The following APBB1 variants were observed in gnomAD, a reference collection of about 807,000 sequenced individuals.
APBB1 encodes the protein amyloid beta precursor protein binding family B member 1, also known as adaptor protein FE65a2.
APBB1 carries 22 observed loss-of-function variants against 78.4 expected under a neutral mutation model. The ratio of observed to expected loss-of-function variants is 0.28; its 90% CI spans 0.20 to 0.40. APBB1 has a LOEUF of 0.40. Among genes scored for constraint, APBB1 ranks in the 10% least tolerant of loss-of-function variants. APBB1 has a pLI of 1.00. For synonymous variants in APBB1, 369 were observed against 372.7 expected (o/e 0.99, Z 0.12); for missense variants, 749 against 932.4 (o/e 0.80, Z 2.56).
At chr11:6,409,170 G>A (rs941346613) in intron 2 of APBB1, among the ~76,000 whole-genome samples, 7 of 151,974 alleles carry the variant, frequency 4.6e-5, no homozygotes, top group Admixed American at 2.6e-4. Flanking sequence ...TCTTGGGTTC[G>A]GATGATCCTC....
upstream of APBB1, chr11:6,419,231 C>G (rs2134119811): frequency 3.4e-6 from 1 of 297,276 alleles, no homozygotes; most frequent in Non-Finnish European, 6.2e-6. Flanking sequence ...GCGGGCGGCC[C>G]TCGGACCTCG....
intron 2 of APBB1, chr11:6,405,748 T>C: frequency 1.1e-6 from 1 of 895,124 alleles, no homozygotes; most frequent in Non-Finnish European, 1.3e-6. Flanking sequence ...CACCCCCACT[T>C]CCCCCTAACT....
At chr11:6,402,331 C>A (rs1475088653) in intron 7 of APBB1, 122 bp from the exon 8 acceptor site, 1 of 1,428,784 alleles carries the variant, frequency 7.0e-7, no homozygotes, top group East Asian at 2.4e-5. Context: ...GTCAGACCGC[C>A]CGCCCTGCAG....
At chr11:6,397,895 A>G (rs1848315178) in intron 12 of APBB1, among the ~76,000 whole-genome samples, 4 of 152,248 alleles carry the variant, frequency 2.6e-5, no homozygotes, top group Admixed American at 2.6e-4. Flanking sequence ...GTGTCACAGA[A>G]GTGGATGGGC....
At position 6,411,300 on chromosome 11, in the gene APBB1, G is replaced by A. The variant is rs559159673; in HGVS notation, c.48C>T (p.Ser16=). The change falls in exon 2 of 15, where the codon AGC becomes AGT. Residue 16 remains serine (S), a synonymous_variant. Transcript: ENST00000609360. The surrounding 1 kb of genome is among the most constrained non-coding windows in gnomAD (Gnocchi z 5.2). ...SLSQSAINAN[S]HGGPALSLPL... ...GTAGGCTCAGTGCGGGGCCTCCGTG[G>A]CTGTTGGCATTAATGGCCGACTGGC... 1.3e-6 allele frequency: 2 copies of A among 1,562,714 alleles called. No homozygotes were observed. Among genetic ancestry groups the A allele is most frequent in the Admixed American group, 1.9e-5 (1 of 52,252 alleles).
At chr11:6,402,446 G>A in intron 7 of APBB1, 130 bp downstream of exon 7, 1 of 1,190,460 alleles carries the variant, frequency 8.4e-7, no homozygotes, top group South Asian at 1.4e-5. Flanking sequence ...CCATCCCACA[G>A]GGCTGCCACT....
chr11:6,407,014 A>T (rs1356079177), intron 2 of APBB1, among the ~76,000 whole-genome samples: 1 of 152,228 alleles, frequency 6.6e-6, no homozygotes, highest in Non-Finnish European at 1.5e-5. Flanking sequence ...AAGTTTATTC[A>T]TTCATCATTC....
intron 1 of APBB1, among the ~76,000 whole-genome samples, chr11:6,415,950 T>A (rs937826708): frequency 2.6e-5 from 4 of 152,110 alleles, no homozygotes; most frequent in Non-Finnish European, 4.4e-5. Context: ...ACAGGCAAAC[T>A]TCCTGAGAGA....
At chr11:6,414,102 C>A (rs954993722) in intron 1 of APBB1, among the ~76,000 whole-genome samples, 1 of 151,938 alleles carries the variant, frequency 6.6e-6, no homozygotes, top group Non-Finnish European at 1.5e-5. Flanking sequence ...CCTCTTAAGC[C>A]GGCCTCTATA....
chr11:6,409,546 A>C (rs1848906407), intron 2 of APBB1, among the ~76,000 whole-genome samples: 1 of 152,172 alleles, frequency 6.6e-6, no homozygotes, highest in Non-Finnish European at 1.5e-5. Context: ...ATGTTTGAAA[A>C]TGTCCAGAAT....
intron 2 of APBB1, among the ~76,000 whole-genome samples, chr11:6,406,098 G>A (rs1008554890): frequency 1.3e-5 from 2 of 152,160 alleles, no homozygotes; most frequent in African/African-American, 2.4e-5. Context: ...GGCCATCTGG[G>A]AGGCCCTTCT....
At chr11:6,419,224 G>A (rs1374847660), upstream of APBB1, 1 of 299,212 alleles carries the variant, frequency 3.3e-6, no homozygotes, top group African/African-American at 2.2e-5. Flanking sequence ...TCACCCTGCG[G>A]GCGGCCCTCG....
chr11:6,415,910 A>G (rs1849105991), intron 1 of APBB1, among the ~76,000 whole-genome samples: 1 of 152,042 alleles, frequency 6.6e-6, no homozygotes, highest in African/African-American at 2.4e-5. Flanking sequence ...GCTCCTCCAG[A>G]TCCACTCACT....
At chr11:6,399,023 C>T (rs541984244) in intron 12 of APBB1, among the ~76,000 whole-genome samples, 2 of 152,076 alleles carry the variant, frequency 1.3e-5, no homozygotes, top group African/African-American at 4.8e-5. Flanking sequence ...GATACCCTAC[C>T]ACTTCTTTTT....
chr11:6,416,864 C>A (rs547350607), intron 1 of APBB1, among the ~76,000 whole-genome samples: 1 of 152,076 alleles, frequency 6.6e-6, no homozygotes, highest in Non-Finnish European at 1.5e-5. Flanking sequence ...GCCTCAGCCT[C>A]CTGAGTAGCT....
chr11:6,403,196 C>T lies in APBB1; in HGVS notation c.1053G>A (p.Leu351=). The change falls in exon 6 of 15, where the codon TTG becomes TTA. Residue 351 remains leucine (L), a synonymous_variant. Transcript: ENST00000609360. The surrounding 1 kb of genome is among the most constrained non-coding windows in gnomAD (Gnocchi z 5.3). The stretch of plus-strand genomic sequence containing the variant: ...GGGGAAGCTTCTCCTCCTCTTGGGG[C>T]AACGGCTCTGGGCTGAAGGCAGATG... ...FPAQSLSPEP[L]PQEEEKLPPR... The T allele has an allele frequency of 6.2e-7, 1 of 1,613,346 alleles. No individual in the cohort carries two copies. The highest frequency in any genetic ancestry group is 8.5e-7 in the Non-Finnish European group (1 of 1,179,718).
chr11:6,398,316 A>G (rs1848332550), intron 12 of APBB1, among the ~76,000 whole-genome samples: 3 of 152,214 alleles, frequency 2.0e-5, no homozygotes, highest in African/African-American at 7.2e-5. Flanking sequence ...AGCTAAATAA[A>G]AGCAGGGATC....
Position 6,401,208 on chromosome 11 carries a change from T to C in APBB1, c.1589-136A>G, listed in dbSNP as rs1564935500. ...GTCCCCTGCCTCCCTTTAACCGGAG[T>C]CCCTCCACGTATTGGAGTATTCAGT... is the stretch of plus-strand genomic sequence containing the variant. On this transcript the variant is annotated intron_variant, in intron 11 of 14. Coordinates refer to ENST00000609360, the MANE Select transcript of APBB1 (RefSeq NM_001164.5). The surrounding 1 kb of genome is among the most constrained non-coding windows in gnomAD (Gnocchi z 4.5). The C allele has an allele frequency of 6.2e-7, 1 of 1,610,582 alleles. No individual in the cohort carries two copies. Among genetic ancestry groups the C allele is most frequent in the Non-Finnish European group, 8.5e-7 (1 of 1,178,228 alleles).
rs985072661 is a variant in APBB1 at position 6,403,698 on chromosome 11, G to T, written c.846C>A (p.Pro282=). 6.2e-7 allele frequency: 1 copy of T among 1,609,576 alleles called. No homozygotes were observed. The highest frequency in any genetic ancestry group is 8.5e-7 in the Non-Finnish European group (1 of 1,177,086). Residue 282 remains proline, a synonymous_variant, in exon 3 of 15, where the codon CCC becomes CCA. Transcript: ENST00000609360. The surrounding 1 kb of genome is among the most constrained non-coding windows in gnomAD (Gnocchi z 5.3). ...CCTGTGAGGGGGAGGCCCGGCCGGG[G>T]GGTTCCCACTGGGTGGTCCCTGTTG... is the stretch of plus-strand genomic sequence containing the variant. ...HIPTGTTQWE[P]PGRASPSQGS...
Sources: allele counts gnomAD v4.1 joint callset (sites outside exome capture counted in the v4.1 genomes callset), GRCh38; gene constraint gnomAD v4.1.1; non-coding constraint Gnocchi (gnomAD v3.1); transcripts MANE v1.5; gene names NCBI Gene and HGNC (gene_info 2026-07-23, HGNC 2026-07-21).